Variants in TCF20 observed in about 807,000 individuals in gnomAD.
TCF20 encodes the protein SPRE-binding protein.
In TCF20, 3 loss-of-function variants were observed where a neutral mutation model predicts 148.6. The ratio of observed to expected loss-of-function variants is 0.02; its 90% confidence interval spans 0.01 to 0.05. The LOEUF is 0.05. TCF20 is among the 10% of genes least tolerant of loss of function. The pLI, the probability that TCF20 is intolerant of heterozygous loss-of-function variation, is 1.00. For missense variants in TCF20, 2,350 were observed against 2,429.3 expected, an observed-to-expected ratio of 0.97 and a Z score of 0.69; for synonymous variants, 1,049 against 909.5, an observed-to-expected ratio of 1.15 and a Z score of -2.76.
At chr22:42,174,584 CTT>C (rs1280820184) in intron 3 of TCF20, among the ~76,000 whole-genome samples, 1 of 152,172 alleles carries the variant, frequency 6.6e-6, no homozygotes, top group African/African-American at 2.4e-5. Flanking sequence ...CATAAAAAAA[CTT>C]AATACTTAAA....
rs57857271 is a variant in TCF20 at position 42,179,490 on chromosome 22, CAAAAAAAA to C, written c.5749+111_5749+118del. 83 of 373,202 alleles carry C rather than the reference CAAAAAAAA, an allele frequency of 2.2e-4. 1 individual carries two copies. Among genetic ancestry groups the C allele is most frequent in the African/African-American group, 5.7e-4 (20 of 34,904 alleles). 23.1% of individuals were successfully genotyped at this position (373,202 alleles called of 1,614,324 possible). A position where few individuals can be genotyped will look rare whatever the true frequency, so the allele number is the denominator to read the frequency against. The stretch of plus-strand genomic sequence containing the variant: ...GGTGGGAAGTTTTTTTATGAAGTGA[CAAAAAAAA>C]AAAAAAAAAAAAAGAAAAGAAAAGA... On this transcript the variant is annotated intron_variant, in intron 3 of 5. Transcript: ENST00000677622.
rs188416366 is a variant in TCF20, at chr22:42,292,264, T to C, written c.-37+51215A>G. On this transcript the variant is annotated intron_variant, in intron 1 of 1. Coordinates refer to the TCF20 transcript ENST00000515426. This position sits in a 1 kb window ranked among gnomAD's most constrained non-coding sequence, Gnocchi z 4.9. Reference sequence around the variant, plus strand: ...TCCCACGGCGGTAGTAGGCAATACCTTACAGTTCCCAGGGTTGGGCCTGCG... The same window carrying C: ...TCCCACGGCGGTAGTAGGCAATACCCTACAGTTCCCAGGGTTGGGCCTGCG... Among the ~76,000 whole-genome samples the C allele has an allele frequency of 6.6e-6, 1 of 152,182 alleles. No individual in the cohort carries two copies. Among genetic ancestry groups the C allele is most frequent in the Non-Finnish European group, 1.5e-5 (1 of 68,036 alleles).
At chr22:42,226,722 A>G (rs1177276322) in intron 1 of TCF20, among the ~76,000 whole-genome samples, 2 of 152,184 alleles carry the variant, frequency 1.3e-5, no homozygotes, top group Non-Finnish European at 2.9e-5. Flanking sequence ...AAAAGAAATA[A>G]TAATAAAACA....
chr22:42,247,696 T>C (rs116648559), intron 1 of TCF20, among the ~76,000 whole-genome samples: 1 of 152,130 alleles, frequency 6.6e-6, no homozygotes, highest in African/African-American at 2.4e-5. Context: ...CTGGCAGTAG[T>C]TGGGAAGACA....
In TCF20 at chr22:42,191,751, A is replaced by T. The variant is rs535714574; in HGVS notation, c.5656-12049T>A. 4.6e-5 allele frequency among the ~76,000 whole-genome samples: 7 copies of T among 152,340 alleles called. No homozygotes were observed. The East Asian group carries it at 9.6e-4, about 21-fold the overall frequency. On this transcript the variant is annotated intron_variant, in intron 2 of 5. Transcript: ENST00000677622. The stretch of plus-strand genomic sequence containing the variant: ...TAAAAGGAGCTTGTGCCCTTTAAGA[A>T]ATTAGAAAGGAAGGGCACAGAGTGC...
chr22:42,190,576 G>A (rs1366121990), intron 2 of TCF20, among the ~76,000 whole-genome samples: 1 of 152,186 alleles, frequency 6.6e-6, no homozygotes, highest in African/African-American at 2.4e-5. Flanking sequence ...AAACTACAAA[G>A]GCCGTCTGTG....
At chr22:42,263,349 C>A (rs1268811213) in intron 1 of TCF20, among the ~76,000 whole-genome samples, 2 of 152,206 alleles carry the variant, frequency 1.3e-5, no homozygotes, top group Non-Finnish European at 2.9e-5. Flanking sequence ...TGCTTGACTT[C>A]TCAAGAATCC....
chr22:42,250,889 G>C (rs748718373), intron 1 of TCF20, among the ~76,000 whole-genome samples: 6 of 152,178 alleles, frequency 3.9e-5, no homozygotes, highest in Non-Finnish European at 8.8e-5. Flanking sequence ...GGGGGAACAG[G>C]CACATCACAT....
upstream of TCF20, among the ~76,000 whole-genome samples, chr22:42,273,632 CA>C (rs1926702393): frequency 7.0e-6 from 1 of 143,660 alleles, no homozygotes. Flanking sequence ...AAGGAAAGAA[CA>C]GTAAAAAAAA....
chr22:42,278,458 G>A (rs776473455), intron 1 of TCF20: 1 of 152,240 alleles, frequency 6.6e-6, no homozygotes, highest in Non-Finnish European at 1.5e-5. Context: ...CTATTGTAAA[G>A]TGACATATTT....
chr22:42,188,599 C>A (rs1025992778), intron 2 of TCF20, among the ~76,000 whole-genome samples: 1 of 152,192 alleles, frequency 6.6e-6, no homozygotes, highest in African/African-American at 2.4e-5. Flanking sequence ...TTAATAAGAA[C>A]TTGATCAGGC....
At position 42,212,455 on chromosome 22, in the gene TCF20, A is replaced by C; in HGVS notation, c.2851T>G (p.Cys951Gly). Residue 951 changes from cysteine (C) to glycine (G), a missense_variant, in exon 2 of 6, where the codon TGC (cysteine) becomes GGC (glycine). Physicochemically the swap from Cys to Gly is radical, Grantham distance 159. Around this residue, in one of 7 missense-constraint regions of TCF20, gnomAD observed 1,641 missense variants for 1,662.6 expected, o/e 0.99. Coordinates refer to ENST00000677622, the MANE Select transcript of TCF20 (RefSeq NM_001378418.1). ...SFNNKKSGDH[C>G]HPPSIKHESY... ...TCATGCTTGATGCTAGGAGGATGGC[A>C]GTGGTCTCCAGATTTCTTGTTGTTG... 2 of 1,614,226 alleles carry C rather than the reference A, an allele frequency of 1.2e-6. No homozygotes were observed. The highest frequency in any genetic ancestry group is 8.5e-7 in the Non-Finnish European group (1 of 1,180,044).
At chr22:42,233,014 T>C (rs1923571329) in intron 1 of TCF20, among the ~76,000 whole-genome samples, 1 of 152,074 alleles carries the variant, frequency 6.6e-6, no homozygotes, top group African/African-American at 2.4e-5. Context: ...TCTGCCTCCC[T>C]GGTTCAAGCA....
intron 5 of TCF20, among the ~76,000 whole-genome samples, chr22:42,166,245 C>T (rs1018533622): frequency 2.0e-5 from 3 of 152,250 alleles, no homozygotes; most frequent in Non-Finnish European, 2.9e-5. Flanking sequence ...GGACCTGAGA[C>T]GACTCTCTTC....
chr22:42,199,617 C>T (rs1370698757), intron 2 of TCF20, among the ~76,000 whole-genome samples: 3 of 148,150 alleles, frequency 2.0e-5, no homozygotes, highest in Non-Finnish European at 4.4e-5. Flanking sequence ...GGCCTGTAAT[C>T]CCGACACTTT....
rs1028449786 is a variant in TCF20 at position 42,299,661 on chromosome 22, C to T, written c.-37+43818G>A. On this transcript the variant is annotated intron_variant, in intron 1 of 1. Transcript: ENST00000515426. This position sits in a 1 kb window ranked among gnomAD's most constrained non-coding sequence, Gnocchi z 4.1. ...TCTCCCCGAACGCAGGCCCCCCTGCCCGCACCCCAACACTTCAAGACCTCC... is the reference window on the plus strand; with the variant it reads ...TCTCCCCGAACGCAGGCCCCCCTGCTCGCACCCCAACACTTCAAGACCTCC... Among the ~76,000 whole-genome samples the T allele has an allele frequency of 1.3e-5, 2 of 152,172 alleles. No homozygotes were observed. The highest frequency in any genetic ancestry group is 2.9e-5 in the Non-Finnish European group (2 of 68,034).
upstream of TCF20, among the ~76,000 whole-genome samples, chr22:42,287,340 C>T (rs1927051021): frequency 6.6e-6 from 1 of 152,102 alleles, no homozygotes; most frequent in South Asian, 2.1e-4. Context: ...TCATCTAGTT[C>T]AACCATTTCA....
In TCF20 at chr22:42,203,812, G is replaced by T. The variant is rs968941912; in HGVS notation, c.5655+5839C>A. ...TGTGGGAATGTGAGAAAGGGCAGTT[G>T]TAGCAAGCACAGAGGAAGAACAATC... On this transcript the variant is annotated intron_variant, in intron 2 of 5. Transcript: ENST00000677622. 4.6e-5 allele frequency among the ~76,000 whole-genome samples: 7 copies of T among 152,298 alleles called. No individual in the cohort carries two copies. In the East Asian group the frequency reaches 1.4e-3, roughly 29 times the overall value.
At chr22:42,224,399 G>A (rs932499615) in intron 1 of TCF20, among the ~76,000 whole-genome samples, 2 of 151,758 alleles carry the variant, frequency 1.3e-5, no homozygotes, top group Admixed American at 6.6e-5. Flanking sequence ...GTGAACCTGG[G>A]AGGCAGAGAT....
Sources: allele counts gnomAD v4.1 joint callset (sites outside exome capture counted in the v4.1 genomes callset), GRCh38; gene constraint gnomAD v4.1.1; regional missense constraint gnomAD v4.1.1; non-coding constraint Gnocchi (gnomAD v3.1); transcripts MANE v1.5; gene names NCBI Gene and HGNC (gene_info 2026-07-23, HGNC 2026-07-21).